Variants in SERINC3 observed in about 807,000 individuals in gnomAD.
SERINC3 encodes serine incorporator 3.
A neutral mutation model predicts 52.1 loss-of-function variants in SERINC3; 22 were observed. That is an observed-to-expected ratio of 0.42 (90% CI 0.30 to 0.60). The LOEUF is 0.60. Ranked by LOEUF, SERINC3 falls within the 20% of genes least tolerant of loss-of-function variation. SERINC3 has a pLI of 0.16. For missense variants in SERINC3, 564 were observed against 584.6 expected, an observed-to-expected ratio of 0.96 and a Z score of 0.36; for synonymous variants, 226 against 212.7, an observed-to-expected ratio of 1.06 and a Z score of -0.54.
At position 44,500,127 on chromosome 20, in the gene SERINC3, G is replaced by A. The variant is rs1802899; in HGVS notation, c.*169C>T. 8.9e-6 allele frequency: 6 copies of A among 674,826 alleles called. No homozygotes were observed. The highest frequency in any genetic ancestry group is 3.0e-4 in the Middle Eastern group (1 of 3,320). 41.8% of individuals were successfully genotyped at this position (674,826 alleles called of 1,614,324 possible). ...AATATACAGATAAATGAGAAGTTTCGATTCTGCATCAAGCATTATTCAATC... is the reference window on the plus strand; with the variant it reads ...AATATACAGATAAATGAGAAGTTTCAATTCTGCATCAAGCATTATTCAATC... On this transcript the variant is annotated 3_prime_UTR_variant, in exon 10 of 10. Coordinates refer to ENST00000342374, the MANE Select transcript of SERINC3 (RefSeq NM_006811.4).
intron 9 of SERINC3, 56 bp downstream of exon 9, chr20:44,501,017 T>C (rs530403548): frequency 1.8e-4 from 234 of 1,310,834 alleles, no homozygotes; most frequent in Non-Finnish European, 2.3e-4. Context: ...GGATGAGATT[T>C]TATAGGCCAT....
intron 6 of SERINC3, among the ~76,000 whole-genome samples, chr20:44,506,609 A>AAAAAAAAAAC: frequency 6.8e-6 from 1 of 146,284 alleles, no homozygotes; most frequent in Non-Finnish European, 1.5e-5. Context: ...AAAAAAAAAA[A>AAAAAAAAAAC]AGCACTATAA....
chr20:44,511,833 G>C (rs1228942075), intron 3 of SERINC3, among the ~76,000 whole-genome samples: 1 of 152,192 alleles, frequency 6.6e-6, no homozygotes, highest in African/African-American at 2.4e-5. Context: ...TGACTGCCTT[G>C]TATGGCAGAG....
chr20:44,517,514 G>A (rs777140082), intron 1 of SERINC3, among the ~76,000 whole-genome samples: 13 of 151,984 alleles, frequency 8.6e-5, no homozygotes, highest in Non-Finnish European at 1.8e-4. Flanking sequence ...TTACAACACA[G>A]GGAGAATTCC....
At chr20:44,511,182 G>A (rs2064345099) in intron 4 of SERINC3, 107 bp downstream of exon 4, 1 of 759,392 alleles carries the variant, frequency 1.3e-6, no homozygotes, top group Admixed American at 2.6e-5. Context: ...CCAAAGTGCT[G>A]AGCTTACAGG....
intron 5 of SERINC3, among the ~76,000 whole-genome samples, chr20:44,507,929 A>G (rs1348172387): frequency 6.6e-6 from 1 of 152,230 alleles, no homozygotes; most frequent in East Asian, 1.9e-4. Context: ...GAAACAGCAC[A>G]TACAGTACAC....
In SERINC3 at chr20:44,511,363, C is replaced by T; in HGVS notation, c.401G>A (p.Trp134Ter). 6.2e-7 allele frequency: 1 copy of T among 1,604,892 alleles called. No individual in the cohort carries two copies. The highest frequency in any genetic ancestry group is 8.5e-7 in the Non-Finnish European group (1 of 1,171,688). ...AATAAGGGCAGCAATTTTGAAGAAC[C>T]AAAACCTATTAAAATATAAAAATGC... is the stretch of plus-strand genomic sequence containing the variant. ...DLRAAVHNGF[W>*]FFKIAALIGI... The change falls in exon 4 of 10, where the codon TGG becomes TAG. Residue 134 changes from tryptophan to a stop codon, truncating the protein, a stop_gained. Coordinates refer to ENST00000342374, the MANE Select transcript of SERINC3 (RefSeq NM_006811.4). LOFTEE classifies it high-confidence loss of function.
intron 1 of SERINC3, 33 bp from the exon 2 acceptor site, chr20:44,514,073 G>A (rs948412865): frequency 2.0e-5 from 32 of 1,604,646 alleles, no homozygotes; most frequent in Admixed American, 3.4e-5. Flanking sequence ...ACCTGAGACC[G>A]CCTTCAGTAT....
In SERINC3 at chr20:44,506,300, AG is replaced by A. The variant is rs1302765411; in HGVS notation, c.783+526del. 3.9e-4 allele frequency among the ~76,000 whole-genome samples: 58 copies of A among 147,480 alleles called. 1 individual carries two copies. The East Asian group carries it at 0.011, about 28-fold the overall frequency. On this transcript the variant is annotated intron_variant, in intron 6 of 9. Coordinates refer to ENST00000342374, the MANE Select transcript of SERINC3 (RefSeq NM_006811.4). ...TTGTCTCAAAAAAAAAAAAAAAAAAAGACTCATTCCCGGCCAGGCGTGGTGG... is the reference window on the plus strand; with the variant it reads ...TTGTCTCAAAAAAAAAAAAAAAAAAAACTCATTCCCGGCCAGGCGTGGTGG...
intron 1 of SERINC3, among the ~76,000 whole-genome samples, chr20:44,514,982 A>T (rs992357361): frequency 6.6e-6 from 1 of 152,234 alleles, no homozygotes; most frequent in Non-Finnish European, 1.5e-5. Flanking sequence ...TATTCACAGC[A>T]CCACTATTTA....
rs150395165 is a variant in SERINC3, at chr20:44,519,460, T to C, written c.39+2453A>G. The C allele has an allele frequency of 2.3e-4, 201 of 863,890 alleles. No individual in the cohort carries two copies. The African/African-American group carries it at 3.6e-3, about 15-fold the overall frequency. 53.5% of individuals were successfully genotyped at this position (863,890 alleles called of 1,614,324 possible). On this transcript the variant is annotated intron_variant, in intron 1 of 9. Coordinates refer to ENST00000342374, the MANE Select transcript of SERINC3 (RefSeq NM_006811.4). ...AGAAAAATTGTACAGTAAACGATTA[T>C]TTCATAAAACTTTGTCTCTATATGG...
intron 5 of SERINC3, among the ~76,000 whole-genome samples, chr20:44,508,505 AG>A (rs1306202978): frequency 6.8e-6 from 1 of 146,314 alleles, no homozygotes; most frequent in African/African-American, 2.7e-5. Flanking sequence ...TCAAAAAAAA[AG>A]AAAAAAAATA....
Position 44,501,053 on chromosome 20 carries a change from G to A in SERINC3, c.1283+20C>T. 6.3e-7 allele frequency: 1 copy of A among 1,577,408 alleles called. No homozygotes were observed. Among genetic ancestry groups the A allele is most frequent in the East Asian group, 2.2e-5 (1 of 44,704 alleles). On this transcript the variant is annotated intron_variant, in intron 9 of 9. Transcript: ENST00000342374. ...CCAAGGGTTTTATGGTCTTCTGTCT[G>A]TTTTGTCTGTGTCTCCTACCTGTAC...
At chr20:44,500,795 T>A (rs2064274736) in intron 9 of SERINC3, among the ~76,000 whole-genome samples, 1 of 152,160 alleles carries the variant, frequency 6.6e-6, no homozygotes, top group Non-Finnish European at 1.5e-5. Flanking sequence ...GACATGGCCA[T>A]CTCTATACAC....
At position 44,500,077 on chromosome 20, in the gene SERINC3, G is replaced by C. The variant is rs973699473; in HGVS notation, c.*219C>G. On this transcript the variant is annotated 3_prime_UTR_variant, in exon 10 of 10. Transcript: ENST00000342374. ...ACTTTAAACAAAAAATGTTCCCTTTGTGCTATATCCTTAGAAGTAAACATA... is the reference window on the plus strand; with the variant it reads ...ACTTTAAACAAAAAATGTTCCCTTTCTGCTATATCCTTAGAAGTAAACATA... 1 of 468,516 alleles carries C rather than the reference G, an allele frequency of 2.1e-6. No homozygotes were observed. The highest frequency in any genetic ancestry group is 2.0e-5 in the African/African-American group (1 of 49,284). The allele number at this position is 468,516 out of a possible 1,614,324, so 29.0% of individuals were successfully genotyped here.
At chr20:44,509,309 C>G (rs1255698890) in intron 5 of SERINC3, among the ~76,000 whole-genome samples, 2 of 152,210 alleles carry the variant, frequency 1.3e-5, no homozygotes, top group Non-Finnish European at 2.9e-5. Flanking sequence ...TTGAACCCAT[C>G]TGAGTTTCCT....
At chr20:44,512,365 G>A (rs955263205) in intron 3 of SERINC3, among the ~76,000 whole-genome samples, 1 of 150,684 alleles carries the variant, frequency 6.6e-6, no homozygotes, top group Non-Finnish European at 1.5e-5. Context: ...AGAAACATAG[G>A]TAAAAGGTGG....
At chr20:44,507,654 T>C (rs992758939) in intron 5 of SERINC3, among the ~76,000 whole-genome samples, 28 of 152,186 alleles carry the variant, frequency 1.8e-4, no homozygotes, top group Non-Finnish European at 3.8e-4. Flanking sequence ...CTGGATTGCT[T>C]GAGCCTGAGT....
At chr20:44,501,379 A>G in intron 8 of SERINC3, 79 bp from the exon 9 acceptor site, 1 of 1,147,606 alleles carries the variant, frequency 8.7e-7, no homozygotes, top group Non-Finnish European at 1.3e-6. Flanking sequence ...TATACAAGAC[A>G]CTTACTGCTG....
Sources: allele counts gnomAD v4.1 joint callset (sites outside exome capture counted in the v4.1 genomes callset), GRCh38; gene constraint gnomAD v4.1.1; transcripts MANE v1.5; gene names NCBI Gene and HGNC (gene_info 2026-07-23, HGNC 2026-07-21).